Variants in DAAM2 observed in about 807,000 individuals in gnomAD.
DAAM2 encodes the protein disheveled-associated activator of morphogenesis 2.
A neutral mutation model predicts 120.7 loss-of-function variants in DAAM2; 39 were observed. The ratio of observed to expected loss-of-function variants is 0.32; its 90% CI spans 0.25 to 0.42. DAAM2 has a LOEUF of 0.42. Ranked by LOEUF, DAAM2 falls within the 10% of genes least tolerant of loss-of-function variation. The pLI is 1.00. For synonymous variants in DAAM2, 488 were observed against 524.9 expected (o/e 0.93, Z 0.96); for missense variants, 1,283 against 1,401.7 (o/e 0.92, Z 1.35).
chr6:39,834,132 T>C (rs1202544923), intron 1 of DAAM2, among the ~76,000 whole-genome samples: 1 of 152,200 alleles, frequency 6.6e-6, no homozygotes, highest in Non-Finnish European at 1.5e-5. Flanking sequence ...ACGTGTGATG[T>C]AGCGCCTTGA....
At chr6:39,795,584 C>A (rs893437593) in intron 1 of DAAM2, among the ~76,000 whole-genome samples, 1 of 152,068 alleles carries the variant, frequency 6.6e-6, no homozygotes, top group African/African-American at 2.4e-5. Flanking sequence ...GTTATAAGAC[C>A]CTTCATAAAG....
intron 1 of DAAM2, among the ~76,000 whole-genome samples, chr6:39,831,044 A>G (rs966057419): frequency 6.6e-6 from 1 of 152,206 alleles, no homozygotes; most frequent in African/African-American, 2.4e-5. Flanking sequence ...GAGTAAACTA[A>G]GGCATGTGGG....
At chr6:39,824,981 G>A (rs571277904) in intron 1 of DAAM2, among the ~76,000 whole-genome samples, 214 of 152,316 alleles carry the variant, frequency 1.4e-3, no homozygotes, top group African/African-American at 4.7e-3. Context: ...AGAATGATGA[G>A]AGGTGACCTG....
In DAAM2 at chr6:39,901,462, T is replaced by C. The variant is rs747162374; in HGVS notation, c.2972T>C (p.Met991Thr). The change falls in exon 24 of 25, where the codon ATG becomes ACG. Residue 991 changes from methionine to threonine, a missense_variant. By Grantham distance (81) the Met-to-Thr change is moderately conservative. Transcript: ENST00000274867. The surrounding 1 kb of genome is among the most constrained non-coding windows in gnomAD (Gnocchi z 4.5). ...RKEEEERRAR[M>T]EAMLKEQRER... ...GAGGAGGAGGAGCGGCGGGCGCGCA[T>C]GGAAGCCATGGTGAGGGGCAGTGCC... 2.7e-5 allele frequency: 43 copies of C among 1,605,686 alleles called. No homozygotes were observed. Among genetic ancestry groups the C allele is most frequent in the Non-Finnish European group, 3.3e-5 (39 of 1,179,018 alleles).
At chr6:39,827,080 T>G (rs1762700497) in intron 1 of DAAM2, among the ~76,000 whole-genome samples, 1 of 152,190 alleles carries the variant, frequency 6.6e-6, no homozygotes, top group Non-Finnish European at 1.5e-5. Flanking sequence ...ATTTTTGTAG[T>G]TGTTGTTTCC....
Position 39,856,407 on chromosome 6 carries a change from C to T in DAAM2, c.105C>T (p.Phe35=). 6.5e-7 allele frequency: 1 copy of T among 1,549,858 alleles called. No homozygotes were observed. Among genetic ancestry groups the T allele is most frequent in the Non-Finnish European group, 8.7e-7 (1 of 1,148,086 alleles). The change falls in exon 2 of 25, where the codon TTC becomes TTT. Residue 35 remains phenylalanine, a synonymous_variant. Transcript: ENST00000274867. ...INLRDNHPLQ[F]MEFSSPIPNA... is the part of the protein sequence containing the mutation. ...TCCGGGACAACCACCCTCTGCAGTT[C>T]ATGGAGTTCTCCAGCCCCATCCCGA...
intron 1 of DAAM2, among the ~76,000 whole-genome samples, chr6:39,824,682 A>G (rs1487201919): frequency 6.6e-6 from 1 of 152,166 alleles, no homozygotes; most frequent in Non-Finnish European, 1.5e-5. Context: ...TCCTGCAGGC[A>G]GGACAAGCTG....
intron 22 of DAAM2, chr6:39,899,534 GGA>G (rs1218869722): frequency 6.3e-6 from 1 of 158,538 alleles, no homozygotes; most frequent in African/African-American, 2.4e-5. Context: ...TCTTCACTGA[GGA>G]GAGAGGCAGT....
chr6:39,852,031 G>A (rs1763826177), intron 1 of DAAM2, among the ~76,000 whole-genome samples: 1 of 152,210 alleles, frequency 6.6e-6, no homozygotes, highest in African/African-American at 2.4e-5. Flanking sequence ...CAGTTGGTCT[G>A]TGCTTGGGGA....
rs535540557 is a variant in DAAM2, at chr6:39,902,349, C to A, written c.*312C>A. 6 of 260,998 alleles carry A rather than the reference C, an allele frequency of 2.3e-5. No individual in the cohort carries two copies. In the East Asian group the frequency reaches 4.4e-4, roughly 19 times the overall value. 16.2% of individuals were successfully genotyped at this position (260,998 alleles called of 1,614,324 possible). Reference sequence around the variant, plus strand: ...TGCTCCCCATCCCCTACCATGGGCACCCATGTGCTGGCACAGAACAGTTCC... The same window carrying A: ...TGCTCCCCATCCCCTACCATGGGCAACCATGTGCTGGCACAGAACAGTTCC... On this transcript the variant is annotated 3_prime_UTR_variant, in exon 25 of 25. Transcript: ENST00000274867.
intron 1 of DAAM2, among the ~76,000 whole-genome samples, chr6:39,835,433 A>G (rs1280469450): frequency 6.6e-6 from 1 of 152,244 alleles, no homozygotes. Context: ...CTTGAGGAAC[A>G]TGAGCTGGGG....
intron 1 of DAAM2, among the ~76,000 whole-genome samples, chr6:39,845,016 C>T (rs2149260909): frequency 6.9e-6 from 1 of 144,666 alleles, no homozygotes; most frequent in African/African-American, 2.5e-5. Context: ...ATACACACCC[C>T]CCCACACATA....
At chr6:39,837,118 T>C (rs1763130869) in intron 1 of DAAM2, among the ~76,000 whole-genome samples, 1 of 152,196 alleles carries the variant, frequency 6.6e-6, no homozygotes, top group Non-Finnish European at 1.5e-5. Flanking sequence ...ACTCTCAGGC[T>C]TCTCCCTTCC....
At chr6:39,819,684 T>C (rs1274469409) in intron 1 of DAAM2, 1 of 152,184 alleles carries the variant, frequency 6.6e-6, no homozygotes, top group African/African-American at 2.4e-5. Flanking sequence ...ATACCATAGA[T>C]TGGGTGACTT....
chr6:39,858,888 T>A (rs1764107918), intron 2 of DAAM2, among the ~76,000 whole-genome samples: 1 of 152,038 alleles, frequency 6.6e-6, no homozygotes, highest in African/African-American at 2.4e-5. Context: ...GGAGAAGTCA[T>A]CAAGGAAGCC....
intron 1 of DAAM2, among the ~76,000 whole-genome samples, chr6:39,826,208 C>T (rs548965497): frequency 2.0e-5 from 3 of 152,228 alleles, no homozygotes; most frequent in East Asian, 1.9e-4. Context: ...AGCGATTGTG[C>T]GGCCTGCTCC....
intron 1 of DAAM2, among the ~76,000 whole-genome samples, chr6:39,838,782 C>T (rs566022596): frequency 5.2e-4 from 79 of 152,318 alleles, no homozygotes; most frequent in Non-Finnish European, 1.0e-3. Context: ...TCTCTGCCTC[C>T]TGAGTAGCTG....
In DAAM2 at chr6:39,901,546, G is replaced by A. The variant is rs903352530; in HGVS notation, c.2982+74G>A. The A allele has an allele frequency of 8.0e-6, 12 of 1,502,218 alleles. No homozygotes were observed. The highest frequency in any genetic ancestry group is 2.3e-4 in the Middle Eastern group (1 of 4,358). The allele number at this position is 1,502,218 out of a possible 1,614,324, so 93.1% of individuals were successfully genotyped here. A position where few individuals can be genotyped will look rare whatever the true frequency, so the allele number is the denominator to read the frequency against. On this transcript the variant is annotated intron_variant, in intron 24 of 24. Transcript: ENST00000274867. This position sits in a 1 kb window ranked among gnomAD's most constrained non-coding sequence, Gnocchi z 4.5. Reference sequence around the variant, plus strand: ...GGGGAGAACACCCCCAAACTGGGGTGTGTGGGAGGAGGGCAGAGACTGAGG... The same window carrying A: ...GGGGAGAACACCCCCAAACTGGGGTATGTGGGAGGAGGGCAGAGACTGAGG...
intron 1 of DAAM2, chr6:39,818,879 G>A (rs1468545714): frequency 1.3e-5 from 2 of 152,112 alleles, no homozygotes; most frequent in South Asian, 4.1e-4. Context: ...TCCTGAGTGT[G>A]GGCCCTCATT....
Sources: allele counts gnomAD v4.1 joint callset (sites outside exome capture counted in the v4.1 genomes callset), GRCh38; gene constraint gnomAD v4.1.1; non-coding constraint Gnocchi (gnomAD v3.1); transcripts MANE v1.5; gene names NCBI Gene and HGNC (gene_info 2026-07-23, HGNC 2026-07-21).